ZNF425: variants seen among roughly 807,000 people sequenced by gnomAD.
The protein encoded by ZNF425 is zinc finger protein 425.
In ZNF425, 21 loss-of-function variants were observed where a neutral mutation model predicts 17.0. That is an observed-to-expected ratio of 1.23 (90% CI 0.88 to 1.78). The LOEUF is 1.78. Ranked by LOEUF, ZNF425 falls within the 40% of genes most tolerant of loss-of-function variation. The pLI is 0.00. For missense variants in ZNF425, 868 were observed against 967.3 expected (o/e 0.90, Z 1.36); for synonymous variants, 433 against 384.1 (o/e 1.13, Z -1.49).
chr7:149,105,844 G>C (rs1038274164), intron 3 of ZNF425, among the ~76,000 whole-genome samples: 1 of 151,462 alleles, frequency 6.6e-6, no homozygotes, highest in African/African-American at 2.4e-5. Flanking sequence ...TAGAGACGGG[G>C]TTTCACCATG....
intron 3 of ZNF425, among the ~76,000 whole-genome samples, chr7:149,111,517 G>A (rs573918181): frequency 2.1e-5 from 3 of 141,436 alleles, no homozygotes; most frequent in Middle Eastern, 3.9e-3. Context: ...CCTGGAACCC[G>A]GGAGGCAGAG....
intron 3 of ZNF425, among the ~76,000 whole-genome samples, chr7:149,107,457 C>A (rs1168680918): frequency 1.3e-5 from 2 of 151,806 alleles, no homozygotes; most frequent in South Asian, 2.1e-4. Flanking sequence ...CCTGCCTCAG[C>A]CTCCTGAGTA....
intron 1 of ZNF425, among the ~76,000 whole-genome samples, chr7:149,121,597 G>T (rs540404805): frequency 9.5e-4 from 144 of 151,718 alleles, no homozygotes; most frequent in Admixed American, 1.7e-3. Context: ...TCACTATGTT[G>T]GTCAGGCTGG....
intron 1 of ZNF425, among the ~76,000 whole-genome samples, chr7:149,123,192 G>A (rs776164641): frequency 2.6e-5 from 4 of 152,182 alleles, no homozygotes; most frequent in African/African-American, 4.8e-5. Flanking sequence ...CTGGGTGTTT[G>A]AGGACAGATC....
chr7:149,124,139 G>A (rs541623317), intron 1 of ZNF425, among the ~76,000 whole-genome samples: 4 of 150,674 alleles, frequency 2.7e-5, no homozygotes, highest in African/African-American at 9.8e-5. Context: ...GAGCTACCAC[G>A]CCTGGCCTGG....
Position 149,118,232 on chromosome 7 carries a change from A to G in ZNF425, c.135T>C (p.Leu45=). The change falls in exon 2 of 4, where the codon CTT becomes CTC. Residue 45 remains leucine, a synonymous_variant. Coordinates refer to ENST00000378061, the MANE Select transcript of ZNF425 (RefSeq NM_001001661.3). The part of the protein sequence containing the change: ...KQEMKTNYET[L]DSLGYAFSKP... ...AGAAGCTCATCTTACCCAGGGAATCAAGGGTCTCGTAATTGGTCTTCATCT... is the reference window on the plus strand; with the variant it reads ...AGAAGCTCATCTTACCCAGGGAATCGAGGGTCTCGTAATTGGTCTTCATCT... 5 of 1,614,102 alleles carry G rather than the reference A, an allele frequency of 3.1e-6. No homozygotes were observed. The highest frequency in any genetic ancestry group is 2.2e-5 in the South Asian group (2 of 91,080).
chr7:149,113,551 A>ATTTTTTTTTTTTTT (rs774215848), intron 2 of ZNF425: 37 of 129,276 alleles, frequency 2.9e-4, no homozygotes, highest in African/African-American at 1.0e-3. Flanking sequence ...ATTCCTACAA[A>ATTTTTTTTTTTTTT]TTTTTTTTTT....
Position 149,105,268 on chromosome 7 carries a change from T to TA in ZNF425, c.602dup (p.Arg202LysfsTer49). ...GTTTGTGCTTTAGCAAATCCCTCCT[T>TA]ACTTGGAAGACTTTCCTACAGACAT... On this transcript the variant is annotated frameshift_variant, in exon 4 of 4. Coordinates refer to ENST00000378061, the MANE Select transcript of ZNF425 (RefSeq NM_001001661.3). LOFTEE classifies it low-confidence loss of function (END_TRUNC). 6.2e-7 allele frequency: 1 copy of TA among 1,614,164 alleles called. No individual in the cohort carries two copies. The highest frequency in any genetic ancestry group is 8.5e-7 in the Non-Finnish European group (1 of 1,180,028).
chr7:149,117,593 G>T (rs1826286187), intron 2 of ZNF425, among the ~76,000 whole-genome samples: 1 of 67,174 alleles, frequency 1.5e-5, no homozygotes, highest in Admixed American at 1.9e-4. Context: ...AGAAATAAAA[G>T]AATACACTTC....
chr7:149,105,717 C>T (rs1047333175), intron 3 of ZNF425, 151 bp from the exon 4 acceptor site: 23 of 428,794 alleles, frequency 5.4e-5, no homozygotes, highest in Non-Finnish European at 8.2e-5. Flanking sequence ...GTGGTGCGAT[C>T]TCGGCTCACT....
chr7:149,123,436 A>T (rs957190904), intron 1 of ZNF425, among the ~76,000 whole-genome samples: 3 of 152,240 alleles, frequency 2.0e-5, no homozygotes, highest in African/African-American at 7.2e-5. Flanking sequence ...GCTTTTGGAG[A>T]TAAAAGTTTC....
chr7:149,125,355 TCAATACTACATTA>T (rs1304772490), intron 1 of ZNF425, among the ~76,000 whole-genome samples: 1 of 152,198 alleles, frequency 6.6e-6, no homozygotes, highest in Non-Finnish European at 1.5e-5. Context: ...GCTCAAATTT[TCAATACTACATTA>T]CAATACTACA....
chr7:149,111,590 T>TTAAAAAAAA (rs1826177169), intron 3 of ZNF425, among the ~76,000 whole-genome samples: 2 of 54,382 alleles, frequency 3.7e-5, no homozygotes, highest in Non-Finnish European at 6.6e-5. Context: ...AGACTCTGTC[T>TTAAAAAAAA]AAAAAAAAAA....
rs1554455846 is a variant in ZNF425 at position 149,105,259 on chromosome 7, A to ACTT, written c.611_612insAAG (p.Asp204delinsGluSer). 1 of 1,614,006 alleles carries ACTT rather than the reference A, an allele frequency of 6.2e-7. No homozygotes were observed. The highest frequency in any genetic ancestry group is 8.5e-7 in the Non-Finnish European group (1 of 1,180,030). On this transcript the variant is annotated protein_altering_variant, in exon 4 of 4. Transcript: ENST00000378061. ...AGTGGCTCCGTTTGTGCTTTAGCAA[A>ACTT]TCCCTCCTTACTTGGAAGACTTTCC...
Position 149,118,255 on chromosome 7 carries a change from T to G in ZNF425, c.112A>C (p.Met38Leu). Residue 38 changes from methionine (M) to leucine (L), a missense_variant, in exon 2 of 4, where the codon ATG becomes CTG. Physicochemically the swap from Met to Leu is conservative, Grantham distance 15 (BLOSUM62 2). Around this residue, in one of 5 missense-constraint regions of ZNF425, gnomAD observed 179 missense variants for 216.3 expected, o/e 0.83. Transcript: ENST00000378061. ...TCAAGGGTCTCGTAATTGGTCTTCA[T>G]CTCTTGCTTATACATTTGCTTCTGC... is the stretch of plus-strand genomic sequence containing the variant. Reference protein sequence around the residue: ...KWQKQMYKQEMKTNYETLDSL... With the variant: ...KWQKQMYKQELKTNYETLDSL... 6.2e-7 allele frequency: 1 copy of G among 1,614,092 alleles called. No homozygotes were observed. The highest frequency in any genetic ancestry group is 8.5e-7 in the Non-Finnish European group (1 of 1,180,010).
chr7:149,103,874 A>G lies in ZNF425; in HGVS notation c.1997T>C (p.Phe666Ser). 6.2e-7 allele frequency: 1 copy of G among 1,614,006 alleles called. No homozygotes were observed. ...GCTCTTGTCACACTCCGGACACTGG[A>G]AGGGCTTCTCCCCGCTGTGGACTCG... ...HIRVHSGEKPFQCPECDKSYC... is the reference protein window; with the variant it reads ...HIRVHSGEKPSQCPECDKSYC... Residue 666 changes from phenylalanine to serine, a missense_variant, in exon 4 of 4, where the codon TTC becomes TCC. Physicochemically the swap from Phe to Ser is radical, Grantham distance 155. Transcript: ENST00000378061.
At position 149,103,946 on chromosome 7, in the gene ZNF425, A is replaced by T. The variant is rs146409684; in HGVS notation, c.1925T>A (p.Met642Lys). 1 of 1,613,808 alleles carries T rather than the reference A, an allele frequency of 6.2e-7. No homozygotes were observed. The highest frequency in any genetic ancestry group is 8.5e-7 in the Non-Finnish European group (1 of 1,179,946). ...CTGTTGAGTGAAACTTTTGCCGCAC[A>T]TCACACAAGAGAATGGCTTTTGGCC... ...HSGQKPFSCV[M>K]CGKSFTQQYR... The change falls in exon 4 of 4, where the codon ATG (methionine) becomes AAG (lysine). Residue 642 changes from methionine (M) to lysine (K), a missense_variant. Met to Lys is a moderately conservative substitution (Grantham distance 95). Around this residue, in one of 5 missense-constraint regions of ZNF425, gnomAD observed 437 missense variants for 444.2 expected, o/e 0.98. Coordinates refer to ENST00000378061, the MANE Select transcript of ZNF425 (RefSeq NM_001001661.3).
intron 3 of ZNF425, among the ~76,000 whole-genome samples, chr7:149,110,863 C>T (rs1469040091): frequency 1.4e-5 from 2 of 146,988 alleles, no homozygotes; most frequent in Non-Finnish European, 3.0e-5. Flanking sequence ...GGTGCAATCT[C>T]GGCTCACTGC....
At chr7:149,122,153 G>A (rs562987310) in intron 1 of ZNF425, among the ~76,000 whole-genome samples, 3 of 149,236 alleles carry the variant, frequency 2.0e-5, no homozygotes, top group Non-Finnish European at 4.4e-5. Context: ...GGATGGTCTC[G>A]ATCTCCTGAC....
Sources: gnomAD v4.1 joint callset for allele counts (sites outside exome capture counted in the v4.1 genomes callset) on GRCh38, gnomAD v4.1.1 for gene constraint, gnomAD v4.1.1 regional missense constraint, MANE v1.5 for transcripts, NCBI Gene and HGNC (gene_info 2026-07-23, HGNC 2026-07-21) for gene names.